Variants in VSIG4 observed in about 807,000 individuals in gnomAD.
VSIG4 encodes V-set and immunoglobulin domain-containing protein 4.
In VSIG4, 34 loss-of-function variants were observed where a neutral mutation model predicts 23.4. The ratio of observed to expected loss-of-function variants is 1.45; its 90% CI spans 1.10 to 1.93. VSIG4 has a LOEUF of 1.93. Ranked by LOEUF, VSIG4 falls within the 30% of genes most tolerant of loss-of-function variation. The pLI is 0.00. For missense variants in VSIG4, 433 were observed against 310.8 expected (o/e 1.39, Z -2.96); for synonymous variants, 169 against 120.3 (o/e 1.41, Z -2.65).
At position 66,040,006 on chromosome X, in the gene VSIG4, A is replaced by C. The variant is rs1013712395; in HGVS notation, c.-8T>G. On this transcript the variant is annotated 5_prime_UTR_variant, in exon 1 of 8. Transcript: ENST00000374737. ...GCCCAGTAAGATCCCCATCACAGCC[A>C]GAGCTACTTCTGTCCTTTCTTCCAG... 2 of 1,209,741 alleles carry C rather than the reference A, an allele frequency of 1.7e-6. No homozygotes were observed. Among genetic ancestry groups the C allele is most frequent in the African/African-American group, 3.5e-5 (2 of 57,354 alleles).
Position 66,022,060 on chromosome X carries a change from C to A in VSIG4, c.*203G>T, listed in dbSNP as rs1443798014. ...GCCCCCGGCAGAGATACTAGAAGGGCCCAGAGCCAAATCCAGCAGCTGGCT... is the reference window on the plus strand; with the variant it reads ...GCCCCCGGCAGAGATACTAGAAGGGACCAGAGCCAAATCCAGCAGCTGGCT... On this transcript the variant is annotated 3_prime_UTR_variant, in exon 8 of 8. Coordinates refer to ENST00000374737, the MANE Select transcript of VSIG4 (RefSeq NM_007268.3). The A allele has an allele frequency of 8.6e-7, 1 of 1,163,338 alleles. No homozygotes were observed. The highest frequency in any genetic ancestry group is 3.3e-5 in the East Asian group (1 of 30,596).
In VSIG4 at chrX:66,033,834, A is replaced by G; in HGVS notation, c.56-4T>C. 8.4e-7 allele frequency: 1 copy of G among 1,193,037 alleles called. No individual in the cohort carries two copies. ...GGCACTTCCAGGATGGGACGGCCTG[A>G]AGAGGCGGAACAGAGGAAAGAAGCA... is the stretch of plus-strand genomic sequence containing the variant. On this transcript the variant is annotated splice_region_variant and splice_polypyrimidine_tract_variant and intron_variant, in intron 1 of 7. Coordinates refer to ENST00000374737, the MANE Select transcript of VSIG4 (RefSeq NM_007268.3).
rs1184457040 is a variant in VSIG4, at chrX:66,022,009, C to T, written c.*254G>A. On this transcript the variant is annotated 3_prime_UTR_variant, in exon 8 of 8. Coordinates refer to ENST00000374737, the MANE Select transcript of VSIG4 (RefSeq NM_007268.3). The stretch of plus-strand genomic sequence containing the variant: ...TCCTAGTGCTATGGGCATCTTCCCT[C>T]TGGTATTTAGAGAGGAGTACCAGAA... 1 of 1,110,728 alleles carries T rather than the reference C, an allele frequency of 9.0e-7. No homozygotes were observed. Among genetic ancestry groups the T allele is most frequent in the Non-Finnish European group, 1.2e-6 (1 of 828,356 alleles). 91.5% of individuals were successfully genotyped at this position (1,110,728 alleles called of 1,213,427 possible).
intron 1 of VSIG4, among the ~76,000 whole-genome samples, chrX:66,039,129 C>T (rs1213225044): frequency 8.9e-6 from 1 of 111,914 alleles, no homozygotes; most frequent in African/African-American, 3.3e-5. Context: ...CAAATTGAGC[C>T]ATGTCTATAG....
intron 1 of VSIG4, among the ~76,000 whole-genome samples, chrX:66,039,188 C>T (rs192852117): frequency 7.1e-5 from 8 of 112,022 alleles, no homozygotes; most frequent in Middle Eastern, 4.6e-3. Flanking sequence ...CCTATGAAGA[C>T]CAGTTGAAAA....
chrX:66,022,232 TG>T lies in VSIG4; in HGVS notation c.*30del. On this transcript the variant is annotated 3_prime_UTR_variant, in exon 8 of 8. Transcript: ENST00000374737. The stretch of plus-strand genomic sequence containing the variant: ...AAGGCAAGGACTGACTAGGCAATTA[TG>T]TCAGCAGATCCTGGCCTAATGGGGC... The T allele has an allele frequency of 8.3e-7, 1 of 1,211,969 alleles. No homozygotes were observed. Among genetic ancestry groups the T allele is most frequent in the Non-Finnish European group, 1.1e-6 (1 of 895,488 alleles).
At chrX:66,036,314 C>T (rs1465999313) in intron 1 of VSIG4, among the ~76,000 whole-genome samples, 2 of 109,021 alleles carry the variant, frequency 1.8e-5, no homozygotes, top group Admixed American at 1.0e-4. Context: ...TGACATTGTA[C>T]TATTCCTCAT....
intron 6 of VSIG4, 135 bp from the exon 7 acceptor site, chrX:66,022,997 C>A: frequency 5.9e-6 from 4 of 676,622 alleles, no homozygotes; most frequent in Non-Finnish European, 2.2e-6. Context: ...AGCTTTCCAA[C>A]AACTGGGAGG....
In VSIG4 at chrX:66,021,981, A is replaced by C. The variant is rs1476671343; in HGVS notation, c.*282T>G. The C allele has an allele frequency of 2.1e-5, 22 of 1,023,775 alleles. No individual in the cohort carries two copies. The highest frequency in any genetic ancestry group is 2.9e-5 in the Non-Finnish European group (22 of 756,131). The allele number at this position is 1,023,775 out of a possible 1,213,427, so 84.4% of individuals were successfully genotyped here. A position where few individuals can be genotyped will look rare whatever the true frequency, so the allele number is the denominator to read the frequency against. The stretch of plus-strand genomic sequence containing the variant: ...AATAGTGTCTGTAGGCATGATGACC[A>C]AGTCCTAGTGCTATGGGCATCTTCC... On this transcript the variant is annotated 3_prime_UTR_variant, in exon 8 of 8. Transcript: ENST00000374737.
Position 66,032,350 on chromosome X carries a change from C to A in VSIG4, c.694+118G>T. 4.3e-6 allele frequency: 4 copies of A among 940,679 alleles called. No homozygotes were observed. The South Asian group carries it at 1.0e-4, about 24-fold the overall frequency. The allele number at this position is 940,679 out of a possible 1,213,427, so 77.5% of individuals were successfully genotyped here. A position where few individuals can be genotyped will look rare whatever the true frequency, so the allele number is the denominator to read the frequency against. On this transcript the variant is annotated intron_variant, in intron 3 of 7. Coordinates refer to ENST00000374737, the MANE Select transcript of VSIG4 (RefSeq NM_007268.3). ...GTTTTTTTTCTTTGTGATTGTACAA[C>A]CATTGCCTGCTTGGGATCCTCCTCT...
chrX:66,036,480 C>G (rs984413230), intron 1 of VSIG4, among the ~76,000 whole-genome samples: 1 of 102,204 alleles, frequency 9.8e-6, no homozygotes, highest in Non-Finnish European at 2.0e-5. Flanking sequence ...CTGATCTAAG[C>G]GCAAGGTCTG....
In VSIG4 at chrX:66,021,984, T is replaced by C. The variant is rs970112236; in HGVS notation, c.*279A>G. On this transcript the variant is annotated 3_prime_UTR_variant, in exon 8 of 8. Coordinates refer to ENST00000374737, the MANE Select transcript of VSIG4 (RefSeq NM_007268.3). The stretch of plus-strand genomic sequence containing the variant: ...AGTGTCTGTAGGCATGATGACCAAG[T>C]CCTAGTGCTATGGGCATCTTCCCTC... The C allele has an allele frequency of 2.9e-6, 3 of 1,030,104 alleles. No homozygotes were observed. In the African/African-American group the frequency reaches 5.7e-5, roughly 19 times the overall value. 84.9% of individuals were successfully genotyped at this position (1,030,104 alleles called of 1,213,427 possible). A position where few individuals can be genotyped will look rare whatever the true frequency, so the allele number is the denominator to read the frequency against.
chrX:66,033,027 T>G (rs1217351351), intron 2 of VSIG4, among the ~76,000 whole-genome samples: 1 of 111,666 alleles, frequency 9.0e-6, no homozygotes, highest in Non-Finnish European at 1.9e-5. Context: ...GGGGCTCAAG[T>G]AGAGCTTTTG....
Position 66,029,104 on chromosome X carries a change from C to T in VSIG4, c.695-992G>A, listed in dbSNP as rs193082950. Among the ~76,000 whole-genome samples, 660 of 111,470 alleles carry T rather than the reference C, an allele frequency of 5.9e-3. 15 individuals carry two copies. The highest frequency in any genetic ancestry group is 0.056 in the Middle Eastern group (12 of 213). ...ATGAGAAAACCATAAGCTTCTCCCT[C>T]TTGCTAGCAGAGGAAACAGCATGCT... On this transcript the variant is annotated intron_variant, in intron 3 of 7. Coordinates refer to ENST00000374737, the MANE Select transcript of VSIG4 (RefSeq NM_007268.3).
At position 66,021,808 on chromosome X, in the gene VSIG4, A is replaced by G. The variant is rs887451830; in HGVS notation, c.*455T>C. On this transcript the variant is annotated 3_prime_UTR_variant, in exon 8 of 8. Transcript: ENST00000374737. ...AACATTAGACTTATAGTGGAGGAGC[A>G]GAACTGAACCCTGGCCTGTGAAATA... 3 of 255,360 alleles carry G rather than the reference A, an allele frequency of 1.2e-5. No individual in the cohort carries two copies. Among genetic ancestry groups the G allele is most frequent in the African/African-American group, 8.5e-5 (3 of 35,205 alleles). 21.0% of individuals were successfully genotyped at this position (255,360 alleles called of 1,213,427 possible).
At chrX:66,038,407 A>G (rs1447744997) in intron 1 of VSIG4, among the ~76,000 whole-genome samples, 1 of 110,346 alleles carries the variant, frequency 9.1e-6, no homozygotes, top group East Asian at 2.9e-4. Flanking sequence ...GTACAAATGG[A>G]AGGCCTGCTT....
intron 6 of VSIG4, among the ~76,000 whole-genome samples, chrX:66,024,723 T>C (rs1602096275): frequency 1.8e-5 from 2 of 112,058 alleles, no homozygotes. Context: ...ATCTCCTAAA[T>C]AAATTGTGAG....
intron 1 of VSIG4, among the ~76,000 whole-genome samples, chrX:66,034,093 T>C (rs1337113721): frequency 8.9e-6 from 1 of 112,022 alleles, no homozygotes; most frequent in East Asian, 2.8e-4. Context: ...ATGAAGGTGA[T>C]CCTAGGTAAG....
At chrX:66,022,814 A>C in intron 7 of VSIG4, 27 bp downstream of exon 7, 1 of 1,211,521 alleles carries the variant, frequency 8.3e-7, no homozygotes, top group East Asian at 3.0e-5. Flanking sequence ...GACGGGGTCA[A>C]AAATGGAAGA....
Sources: allele counts gnomAD v4.1 joint callset (sites outside exome capture counted in the v4.1 genomes callset), GRCh38; gene constraint gnomAD v4.1.1; transcripts MANE v1.5; gene names NCBI Gene and HGNC (gene_info 2026-07-23, HGNC 2026-07-21).